Variants in SPTBN2 observed in about 807,000 individuals in gnomAD.
The protein encoded by SPTBN2 is spectrin beta, non-erythrocytic 2, also known as spectrin beta chain, non-erythrocytic 2.
SPTBN2 carries 107 observed loss-of-function variants against 284.2 expected under a neutral mutation model. The observed-to-expected ratio is 0.38, with a 90% CI of 0.32 to 0.44. The LOEUF (loss-of-function observed/expected upper bound fraction) is 0.44. SPTBN2 is among the 20% of genes least tolerant of loss of function. SPTBN2 has a pLI of 1.00. For synonymous variants in SPTBN2, 1,289 were observed against 1,354.8 expected (o/e 0.95, Z 1.07); for missense variants, 2,569 against 3,287.1 (o/e 0.78, Z 5.34).
In SPTBN2 at chr11:66,710,875, G is replaced by A. The variant is rs188639460; in HGVS notation, c.885+42C>T. On this transcript the variant is annotated intron_variant, in intron 9 of 37. Coordinates refer to ENST00000533211, the MANE Select transcript of SPTBN2 (RefSeq NM_006946.4). The surrounding 1 kb of genome is among the most constrained non-coding windows in gnomAD (Gnocchi z 4.9). ...ACTAGGGCAGTAAGACCCCTCAGCC[G>A]GGCCTCCTCTGGCCTTTATGCCTAC... is the stretch of plus-strand genomic sequence containing the variant. The A allele has an allele frequency of 2.7e-3, 4,431 of 1,611,358 alleles. 7 individuals carry two copies. The highest frequency in any genetic ancestry group is 5.5e-3 in the Middle Eastern group (33 of 5,994).
In SPTBN2 at chr11:66,728,922, C is replaced by T. The variant is rs982501613; in HGVS notation, c.-295G>A. On this transcript the variant is annotated 5_prime_UTR_variant, in exon 1 of 38. Coordinates refer to ENST00000533211, the MANE Select transcript of SPTBN2 (RefSeq NM_006946.4). ...CCCGTCCCCTCGCTCTCGCGTCCTC[C>T]TTCAGGCAGCTGGGCCGGCTCTCCC... 6.5e-6 allele frequency: 1 copy of T among 152,796 alleles called. No individual in the cohort carries two copies. Among genetic ancestry groups the T allele is most frequent in the African/African-American group, 2.4e-5 (1 of 41,468 alleles). The allele number at this position is 152,796 out of a possible 1,614,324, so 9.5% of individuals were successfully genotyped here.
chr11:66,728,276 G>GGCGGGC (rs1942706655), intron 1 of SPTBN2: 1 of 145,674 alleles, frequency 6.9e-6, no homozygotes, highest in Non-Finnish European at 1.5e-5. Context: ...CCGGGCGCAC[G>GGCGGGC]GCGGGCGGCG....
chr11:66,733,085 A>G (rs976819536), upstream of SPTBN2, among the ~76,000 whole-genome samples: 1 of 152,040 alleles, frequency 6.6e-6, no homozygotes, highest in Non-Finnish European at 1.5e-5. Context: ...CTGGGGAGAT[A>G]GGCAAGGGCT....
rs564116167 is a variant in SPTBN2, at chr11:66,684,686, T to C, written c.*1185A>G. Among the ~76,000 whole-genome samples the C allele has an allele frequency of 4.6e-5, 7 of 151,830 alleles. No homozygotes were observed. Among genetic ancestry groups the C allele is most frequent in the African/African-American group, 1.7e-4 (7 of 41,396 alleles). Reference sequence around the variant, plus strand: ...ATTATCCTCTGTGTGTATATTTACATGCTTGGGCTGTAAAGTCACCTCATG... The same window carrying C: ...ATTATCCTCTGTGTGTATATTTACACGCTTGGGCTGTAAAGTCACCTCATG... On this transcript the variant is annotated 3_prime_UTR_variant, in exon 38 of 38. Coordinates refer to ENST00000533211, the MANE Select transcript of SPTBN2 (RefSeq NM_006946.4).
chr11:66,708,044 G>T lies in SPTBN2; in HGVS notation c.1350+97C>A. ...CCTTTTTACCCAGGTGACGGATTTTGTGTTTCATTGTCTCTCCACCCCGCG... is the reference window on the plus strand; with the variant it reads ...CCTTTTTACCCAGGTGACGGATTTTTTGTTTCATTGTCTCTCCACCCCGCG... On this transcript the variant is annotated intron_variant, in intron 12 of 37. Coordinates refer to ENST00000533211, the MANE Select transcript of SPTBN2 (RefSeq NM_006946.4). This position sits in a 1 kb window ranked among gnomAD's most constrained non-coding sequence, Gnocchi z 4.4. 6.3e-7 allele frequency: 1 copy of T among 1,577,810 alleles called. No individual in the cohort carries two copies.
chr11:66,723,899 GGC>G (rs1942524105), intron 1 of SPTBN2, among the ~76,000 whole-genome samples: 3 of 152,002 alleles, frequency 2.0e-5, no homozygotes, highest in Non-Finnish European at 4.4e-5. Context: ...CATTTCTCTC[GGC>G]CTCTCAGATT....
At position 66,683,063 on chromosome 11, in the gene SPTBN2, A is replaced by ATTTTT. The variant is rs55950324; in HGVS notation, c.*2803_*2807dup. On this transcript the variant is annotated 3_prime_UTR_variant, in exon 38 of 38. Transcript: ENST00000533211. ...ACCACCATGCCTGGCCAAGTAATCC[A>ATTTTT]TTTTTTTTTTTTTTTTTTTTTTGAG... Among the ~76,000 whole-genome samples the ATTTTT allele has an allele frequency of 6.3e-5, 6 of 95,736 alleles. No individual in the cohort carries two copies. The highest frequency in any genetic ancestry group is 1.5e-4 in the Admixed American group (1 of 6,812). 62.8% of individuals were successfully genotyped at this position (95,736 alleles called of 152,430 possible).
chr11:66,720,283 A>G (rs757841127), intron 3 of SPTBN2, among the ~76,000 whole-genome samples: 20 of 152,148 alleles, frequency 1.3e-4, no homozygotes, highest in Non-Finnish European at 2.4e-4. Flanking sequence ...TGGGCTGGGC[A>G]GCCAGCAGGT....
Position 66,687,547 on chromosome 11 carries a change from T to C in SPTBN2, c.6602A>G (p.Glu2201Gly), listed in dbSNP as rs778423634. Residue 2201 changes from glutamate (E) to glycine (G), a missense_variant, in exon 35 of 38, where the codon GAG (glutamate) becomes GGG (glycine). Physicochemically the swap from Glu to Gly is moderately conservative, Grantham distance 98. Coordinates refer to ENST00000533211, the MANE Select transcript of SPTBN2 (RefSeq NM_006946.4). The surrounding 1 kb of genome is among the most constrained non-coding windows in gnomAD (Gnocchi z 5.2). ...PSAMPQSRST[E>G]SAHAATLPPR... ...CGGCAGGGTGGCAGCATGGGCTGAC[T>C]CGGTAGACCTGCTCTGGGGCATTGC... 1.9e-6 allele frequency: 3 copies of C among 1,612,258 alleles called. No individual in the cohort carries two copies. Among genetic ancestry groups the C allele is most frequent in the South Asian group, 2.2e-5 (2 of 91,078 alleles).
At chr11:66,726,961 C>T (rs1169025557) in intron 1 of SPTBN2, among the ~76,000 whole-genome samples, 11 of 152,226 alleles carry the variant, frequency 7.2e-5, no homozygotes, top group Non-Finnish European at 1.6e-4. Flanking sequence ...ACCCACCTCT[C>T]AGACTGTGTT....
intron 8 of SPTBN2, chr11:66,713,097 C>T (rs1176989357): frequency 6.3e-6 from 1 of 159,164 alleles, no homozygotes; most frequent in Non-Finnish European, 1.4e-5. Flanking sequence ...AACTGAGCCA[C>T]AGAGAGGCTA....
Position 66,684,667 on chromosome 11 carries a change from C to T in SPTBN2, c.*1204G>A, listed in dbSNP as rs139417700. The stretch of plus-strand genomic sequence containing the variant: ...AAAAAAAAAAAGAATATATATTATC[C>T]TCTGTGTGTATATTTACATGCTTGG... On this transcript the variant is annotated 3_prime_UTR_variant, in exon 38 of 38. Coordinates refer to ENST00000533211, the MANE Select transcript of SPTBN2 (RefSeq NM_006946.4). Among the ~76,000 whole-genome samples, 140 of 151,876 alleles carry T rather than the reference C, an allele frequency of 9.2e-4. No individual in the cohort carries two copies. The highest frequency in any genetic ancestry group is 3.1e-3 in the African/African-American group (127 of 41,400).
intron 10 of SPTBN2, among the ~76,000 whole-genome samples, chr11:66,709,230 T>A (rs978574935): frequency 2.6e-5 from 4 of 152,262 alleles, no homozygotes; most frequent in Admixed American, 1.3e-4. Context: ...CAGGCTGGAG[T>A]GCAGTGGTGC....
At chr11:66,738,575 G>A (rs1942871739) in intron 1 of SPTBN2, among the ~76,000 whole-genome samples, 1 of 152,146 alleles carries the variant, frequency 6.6e-6, no homozygotes, top group Admixed American at 6.5e-5. Flanking sequence ...GAGTGCAGTG[G>A]TGTGATCTCA....
rs766259767 is a variant in SPTBN2, at chr11:66,710,684, G to T, written c.971C>A (p.Thr324Lys). ...ASELLQWIEQ[T>K]IVTLNDRQLA... ...CTGCCGGTCATTGAGGGTCACGATCGTTTGCTCGATCCACTGCAGCAGCTC... is the reference window on the plus strand; with the variant it reads ...CTGCCGGTCATTGAGGGTCACGATCTTTTGCTCGATCCACTGCAGCAGCTC... The change falls in exon 10 of 38, where the codon ACG (threonine) becomes AAG (lysine). Residue 324 changes from threonine (T) to lysine (K), a missense_variant. Thr to Lys is a moderately conservative substitution (Grantham distance 78). This residue lies in a region of SPTBN2 where 304 missense variants were observed against 522.1 expected (regional missense o/e 0.58). Coordinates refer to ENST00000533211, the MANE Select transcript of SPTBN2 (RefSeq NM_006946.4). This position sits in a 1 kb window ranked among gnomAD's most constrained non-coding sequence, Gnocchi z 4.9. The T allele has an allele frequency of 6.2e-7, 1 of 1,614,056 alleles. No individual in the cohort carries two copies. The highest frequency in any genetic ancestry group is 8.5e-7 in the Non-Finnish European group (1 of 1,180,038).
rs756322570 is a variant in SPTBN2 at position 66,691,480 on chromosome 11, A to T, written c.5369T>A (p.Leu1790Gln). 1.2e-6 allele frequency: 2 copies of T among 1,611,912 alleles called. No individual in the cohort carries two copies. The highest frequency in any genetic ancestry group is 4.5e-5 in the East Asian group (2 of 44,882). The change falls in exon 27 of 38, where the codon CTG (leucine) becomes CAG (glutamine). Residue 1790 changes from leucine (L) to glutamine (Q), a missense_variant. By Grantham distance (113) the Leu-to-Gln change is moderately radical (BLOSUM62 -2). Coordinates refer to ENST00000533211, the MANE Select transcript of SPTBN2 (RefSeq NM_006946.4). The surrounding 1 kb of genome is among the most constrained non-coding windows in gnomAD (Gnocchi z 8.0). ...GGCCAGCACCTGACCCCGTGTGTCCAGCAGCTCAAGCAGGTCAGCCCAGGC... is the reference window on the plus strand; with the variant it reads ...GGCCAGCACCTGACCCCGTGTGTCCTGCAGCTCAAGCAGGTCAGCCCAGGC... ...NEAWADLLEL[L>Q]DTRGQVLAAA...
intron 8 of SPTBN2, among the ~76,000 whole-genome samples, chr11:66,711,616 C>A (rs1035897307): frequency 1.3e-5 from 2 of 152,170 alleles, no homozygotes; most frequent in African/African-American, 4.8e-5. Context: ...TGGCTTCCAG[C>A]GCACAACTGA....
Position 66,715,355 on chromosome 11 carries a change from T to C in SPTBN2, c.350A>G (p.Glu117Gly), listed in dbSNP as rs1942088032. 1 of 1,614,008 alleles carries C rather than the reference T, an allele frequency of 6.2e-7. No homozygotes were observed. Among genetic ancestry groups the C allele is most frequent in the Admixed American group, 1.7e-5 (1 of 60,004 alleles). The change falls in exon 5 of 38, where the codon GAG (glutamate) becomes GGG (glycine). Residue 117 changes from glutamate (E) to glycine (G), a missense_variant. Coordinates refer to ENST00000533211, the MANE Select transcript of SPTBN2 (RefSeq NM_006946.4). This position sits in a 1 kb window ranked among gnomAD's most constrained non-coding sequence, Gnocchi z 5.3. ...GAACTGCAGTGCCTTGTCCACGTTCTCCAGGCAGTGGATCCGCATGCGGCC... is the reference window on the plus strand; with the variant it reads ...GAACTGCAGTGCCTTGTCCACGTTCCCCAGGCAGTGGATCCGCATGCGGCC... ...TKGRMRIHCL[E>G]NVDKALQFLK...
At chr11:66,737,203 A>T (rs1942856272) in intron 1 of SPTBN2, among the ~76,000 whole-genome samples, 1 of 152,132 alleles carries the variant, frequency 6.6e-6, no homozygotes, top group African/African-American at 2.4e-5. Flanking sequence ...AGATTTGCAT[A>T]AAATGTTAAA....
Sources: allele counts gnomAD v4.1 joint callset (sites outside exome capture counted in the v4.1 genomes callset), GRCh38; gene constraint gnomAD v4.1.1; regional missense constraint gnomAD v4.1.1; non-coding constraint Gnocchi (gnomAD v3.1); transcripts MANE v1.5; gene names NCBI Gene and HGNC (gene_info 2026-07-23, HGNC 2026-07-21).